STXBP6: variants seen among roughly 807,000 people sequenced by gnomAD.
STXBP6 encodes the protein syntaxin-binding protein 6.
STXBP6 carries 21 observed loss-of-function variants against 26.9 expected under a neutral mutation model. The ratio of observed to expected loss-of-function variants is 0.78; its 90% CI spans 0.55 to 1.12. The LOEUF (loss-of-function observed/expected upper bound fraction) is 1.12, where lower values mean the gene tolerates loss of function less well. Ranked by LOEUF, STXBP6 falls within the 50% of genes most tolerant of loss-of-function variation. The pLI is 0.00. For missense variants in STXBP6, 232 were observed against 257.9 expected (o/e 0.90, Z 0.69); for synonymous variants, 97 against 92.6 (o/e 1.05, Z -0.27).
chr14:24,858,876 T>TA (rs1304882568), intron 2 of STXBP6, among the ~76,000 whole-genome samples: 4 of 152,178 alleles, frequency 2.6e-5, no homozygotes, highest in Non-Finnish European at 4.4e-5. Context: ...GTTCCTGTAT[T>TA]AGACACACAC....
chr14:25,000,897 T>C (rs2074745282), intron 1 of STXBP6, among the ~76,000 whole-genome samples: 1 of 151,912 alleles, frequency 6.6e-6, no homozygotes, highest in Non-Finnish European at 1.5e-5. Context: ...ACTACAGCTG[T>C]CCATACTTTG....
At chr14:25,019,631 C>A (rs1284368830) in intron 1 of STXBP6, among the ~76,000 whole-genome samples, 1 of 152,176 alleles carries the variant, frequency 6.6e-6, no homozygotes, top group African/African-American at 2.4e-5. Context: ...GGGACTTCTG[C>A]CATCTTTGCT....
chr14:24,814,918 C>A (rs1410126103), intron 5 of STXBP6, among the ~76,000 whole-genome samples: 1 of 152,234 alleles, frequency 6.6e-6, no homozygotes, highest in Non-Finnish European at 1.5e-5. Flanking sequence ...GTACCTTGAT[C>A]TTTGACTTCC....
intron 2 of STXBP6, among the ~76,000 whole-genome samples, chr14:24,936,655 T>C (rs953643199): frequency 6.6e-6 from 1 of 152,190 alleles, no homozygotes; most frequent in African/African-American, 2.4e-5. Flanking sequence ...TCTTCCACAA[T>C]GGTTGAACTA....
At chr14:24,922,370 T>A (rs1408784095) in intron 2 of STXBP6, among the ~76,000 whole-genome samples, 2 of 152,156 alleles carry the variant, frequency 1.3e-5, no homozygotes, top group African/African-American at 2.4e-5. Context: ...TTTTAATTCC[T>A]GATCAAATGT....
At chr14:24,927,032 A>G (rs2072201172) in intron 2 of STXBP6, among the ~76,000 whole-genome samples, 6 of 152,228 alleles carry the variant, frequency 3.9e-5, no homozygotes, top group Admixed American at 3.9e-4. Flanking sequence ...GTGGACGCAA[A>G]CAAGTAAAAC....
At chr14:24,868,569 A>G (rs555727360) in intron 2 of STXBP6, among the ~76,000 whole-genome samples, 72 of 152,304 alleles carry the variant, frequency 4.7e-4, no homozygotes, top group African/African-American at 1.7e-3. Context: ...GGAGTCAGAG[A>G]CAAAAGCAAG....
chr14:24,986,049 G>A (rs2074323444), intron 1 of STXBP6, among the ~76,000 whole-genome samples: 1 of 152,204 alleles, frequency 6.6e-6, no homozygotes, highest in South Asian at 2.1e-4. Flanking sequence ...TTTGTGGAAG[G>A]TGAGAACAGG....
chr14:24,914,751 T>C (rs1408215055), intron 2 of STXBP6, among the ~76,000 whole-genome samples: 1 of 152,210 alleles, frequency 6.6e-6, no homozygotes, highest in Non-Finnish European at 1.5e-5. Flanking sequence ...GGCTTGTGCA[T>C]AATTCTTTGA....
chr14:25,001,938 T>C (rs2074770875), intron 1 of STXBP6, among the ~76,000 whole-genome samples: 1 of 152,246 alleles, frequency 6.6e-6, no homozygotes, highest in Non-Finnish European at 1.5e-5. Flanking sequence ...TATTTCCTAT[T>C]CAAACATGTA....
At chr14:24,877,987 A>G (rs2070207977) in intron 2 of STXBP6, among the ~76,000 whole-genome samples, 1 of 151,990 alleles carries the variant, frequency 6.6e-6, no homozygotes, top group African/African-American at 2.4e-5. Context: ...TTTAACTTGC[A>G]TTTGTCTTAT....
chr14:25,044,596 C>T (rs1056975574), intron 1 of STXBP6, among the ~76,000 whole-genome samples: 5 of 152,214 alleles, frequency 3.3e-5, no homozygotes, highest in Admixed American at 6.5e-5. Flanking sequence ...GCTATTTCAA[C>T]GAATTTACAG....
chr14:24,998,957 T>C (rs1017447923), intron 1 of STXBP6, among the ~76,000 whole-genome samples: 1 of 152,188 alleles, frequency 6.6e-6, no homozygotes, highest in Non-Finnish European at 1.5e-5. Context: ...CTACGTATAT[T>C]CCTTGCTCTC....
At chr14:25,046,789 G>A (rs1408122257) in intron 1 of STXBP6, among the ~76,000 whole-genome samples, 2 of 152,166 alleles carry the variant, frequency 1.3e-5, no homozygotes, top group Non-Finnish European at 2.9e-5. Context: ...AAGGAAAAGA[G>A]CTTAAGATTG....
intron 4 of STXBP6, among the ~76,000 whole-genome samples, chr14:24,827,313 CA>C (rs1200113069): frequency 6.6e-6 from 1 of 152,190 alleles, no homozygotes; most frequent in African/African-American, 2.4e-5. Context: ...AGTATGTGCT[CA>C]ATGTACTCTG....
At chr14:24,944,223 T>C (rs2072902476) in intron 2 of STXBP6, among the ~76,000 whole-genome samples, 1 of 152,216 alleles carries the variant, frequency 6.6e-6, no homozygotes, top group African/African-American at 2.4e-5. Flanking sequence ...TATTGAGTTC[T>C]GCCACCGCAC....
At chr14:24,836,254 C>A (rs2068607820) in intron 4 of STXBP6, among the ~76,000 whole-genome samples, 1 of 152,064 alleles carries the variant, frequency 6.6e-6, no homozygotes, top group Non-Finnish European at 1.5e-5. Context: ...GGACTCAAGA[C>A]CTAGTCAAAC....
At chr14:24,833,957 C>T (rs2068535738) in intron 4 of STXBP6, among the ~76,000 whole-genome samples, 1 of 152,186 alleles carries the variant, frequency 6.6e-6, no homozygotes, top group South Asian at 2.1e-4. Context: ...CACACCTCCT[C>T]TGTTTAAATA....
chr14:24,884,510 T>TAAAC (rs775713331), intron 2 of STXBP6, among the ~76,000 whole-genome samples: 13 of 152,186 alleles, frequency 8.5e-5, no homozygotes, highest in East Asian at 5.8e-4. Flanking sequence ...CCAAAAGCAA[T>TAAAC]AAACAAACAA....
Sources: allele counts gnomAD v4.1 joint callset (sites outside exome capture counted in the v4.1 genomes callset), GRCh38; gene constraint gnomAD v4.1.1; transcripts MANE v1.5; gene names NCBI Gene and HGNC (gene_info 2026-07-23, HGNC 2026-07-21).